Variants in DLGAP1 observed in about 807,000 individuals in gnomAD.
DLGAP1 encodes the protein DLG associated protein 1.
DLGAP1 carries 11 observed loss-of-function variants against 90.8 expected under a neutral mutation model. The observed-to-expected ratio is 0.12, with a 90% CI of 0.08 to 0.20. The LOEUF is 0.20. DLGAP1 is among the 10% of genes least tolerant of loss of function. DLGAP1 has a pLI of 1.00. For missense variants in DLGAP1, 1,050 were observed against 1,333.8 expected (o/e 0.79, Z 3.31); for synonymous variants, 558 against 540.7 (o/e 1.03, Z -0.44).
At position 3,572,069 on chromosome 18, in the gene DLGAP1, GTTT is replaced by G. The variant is rs67491547; in HGVS notation, c.1966-4491_1966-4489del. ...ATGGATTTTCAGTGGTTTCTTCTAG[GTTT>G]TTTTTTTTTTTTTTTTTTCTTTTGA... On this transcript the variant is annotated intron_variant, in intron 8 of 12. Transcript: ENST00000315677. Among the ~76,000 whole-genome samples the G allele has an allele frequency of 5.6e-3, 593 of 105,604 alleles. 3 individuals carry two copies. Among genetic ancestry groups the G allele is most frequent in the African/African-American group, 0.021 (568 of 27,540 alleles). The allele number at this position is 105,604 out of a possible 152,430, so 69.3% of individuals were successfully genotyped here. A position where few individuals can be genotyped will look rare whatever the true frequency, so the allele number is the denominator to read the frequency against.
At chr18:3,751,010 T>C (rs1299907965) in intron 5 of DLGAP1, among the ~76,000 whole-genome samples, 1 of 152,218 alleles carries the variant, frequency 6.6e-6, no homozygotes, top group Admixed American at 6.5e-5. Flanking sequence ...TTTCCCATTG[T>C]TGTAATTATT....
At chr18:4,115,006 ATG>A (rs1266657990) in intron 2 of DLGAP1, among the ~76,000 whole-genome samples, 1 of 151,890 alleles carries the variant, frequency 6.6e-6, no homozygotes, top group Admixed American at 6.6e-5. Flanking sequence ...TGTTTTCTGT[ATG>A]TCTCATGTTT....
chr18:4,400,830 G>A (rs915993081), intron 1 of DLGAP1, among the ~76,000 whole-genome samples: 2 of 152,040 alleles, frequency 1.3e-5, no homozygotes, highest in African/African-American at 4.8e-5. Flanking sequence ...CTGATGGCTG[G>A]GGTTCACCCT....
chr18:4,257,382 G>A (rs986783917), intron 1 of DLGAP1, among the ~76,000 whole-genome samples: 2 of 152,104 alleles, frequency 1.3e-5, no homozygotes, highest in Non-Finnish European at 2.9e-5. Flanking sequence ...TCTACAATTT[G>A]GAATTTATAA....
chr18:3,900,865 G>C (rs983277382), intron 3 of DLGAP1, among the ~76,000 whole-genome samples: 13 of 152,128 alleles, frequency 8.5e-5, no homozygotes, highest in African/African-American at 2.9e-4. Context: ...ATTTAGAAAT[G>C]GTTTAAAAGA....
chr18:4,181,460 A>C (rs1338156564), intron 1 of DLGAP1, among the ~76,000 whole-genome samples: 4 of 152,182 alleles, frequency 2.6e-5, no homozygotes, highest in Non-Finnish European at 4.4e-5. Context: ...CGGCAGTATA[A>C]AGGAGAAAAT....
intron 7 of DLGAP1, among the ~76,000 whole-genome samples, chr18:3,611,233 T>C (rs898154744): frequency 6.6e-6 from 1 of 152,142 alleles, no homozygotes; most frequent in Non-Finnish European, 1.5e-5. Flanking sequence ...TAAACTTCCC[T>C]ACAGCTCCCC....
At chr18:4,203,101 C>T (rs552098565) in intron 1 of DLGAP1, among the ~76,000 whole-genome samples, 1 of 151,972 alleles carries the variant, frequency 6.6e-6, no homozygotes, top group South Asian at 2.1e-4. Flanking sequence ...ATGATGAAAC[C>T]TGTCTCTACT....
intron 7 of DLGAP1, among the ~76,000 whole-genome samples, chr18:3,656,712 G>C (rs2059496032): frequency 1.3e-5 from 2 of 151,978 alleles, no homozygotes. Flanking sequence ...ACCCTTGACT[G>C]ATATTTATGC....
intron 3 of DLGAP1, chr18:3,983,546 C>G (rs912358181): frequency 1.3e-5 from 2 of 152,184 alleles, no homozygotes; most frequent in Non-Finnish European, 2.9e-5. Flanking sequence ...ACCACCGCTA[C>G]TTGAGACATC....
chr18:3,927,130 A>T (rs2072409716), intron 3 of DLGAP1, among the ~76,000 whole-genome samples: 1 of 152,230 alleles, frequency 6.6e-6, no homozygotes, highest in Non-Finnish European at 1.5e-5. Flanking sequence ...CAACAAATGA[A>T]TGTAGAATAG....
chr18:3,690,125 G>A (rs1009801255), intron 7 of DLGAP1, among the ~76,000 whole-genome samples: 4 of 116,150 alleles, frequency 3.4e-5, no homozygotes, highest in Non-Finnish European at 6.7e-5. Context: ...TTTTGACAGT[G>A]TTTCACTCTG....
chr18:4,290,684 G>A (rs530330603), intron 1 of DLGAP1, among the ~76,000 whole-genome samples: 1 of 152,266 alleles, frequency 6.6e-6, no homozygotes, highest in African/African-American at 2.4e-5. Flanking sequence ...ACAAGAAAAG[G>A]CCATATGCTT....
intron 1 of DLGAP1, among the ~76,000 whole-genome samples, chr18:4,369,886 A>C (rs1454894641): frequency 6.6e-6 from 1 of 150,896 alleles, no homozygotes; most frequent in Non-Finnish European, 1.5e-5. Flanking sequence ...AAAGCACATC[A>C]GGGCTATGGA....
chr18:4,410,021 T>C (rs376088589), intron 1 of DLGAP1, among the ~76,000 whole-genome samples: 3 of 152,138 alleles, frequency 2.0e-5, no homozygotes, highest in East Asian at 1.9e-4. Flanking sequence ...CTGGAAGAGA[T>C]CGGAGACTAT....
intron 3 of DLGAP1, among the ~76,000 whole-genome samples, chr18:3,998,266 C>T (rs1360530792): frequency 6.6e-6 from 1 of 152,096 alleles, no homozygotes; most frequent in African/African-American, 2.4e-5. Flanking sequence ...TTGATCTCTT[C>T]CTTTTATTTG....
At chr18:3,624,556 G>T (rs1043864045) in intron 7 of DLGAP1, among the ~76,000 whole-genome samples, 3 of 152,174 alleles carry the variant, frequency 2.0e-5, no homozygotes, top group African/African-American at 7.2e-5. Context: ...CTGAACTGTA[G>T]GAGTAGTTTT....
rs556758502 is a variant in DLGAP1, at chr18:4,157,150, C to A, written c.-266-5863G>T. Among the ~76,000 whole-genome samples the A allele has an allele frequency of 2.1e-4, 32 of 151,980 alleles. No homozygotes were observed. In the South Asian group the frequency reaches 6.7e-3, roughly 32 times the overall value. Reference sequence around the variant, plus strand: ...ACCAAGATCAGAGGTGGGACCGGGCCGTCAGCTCACTTAACTCTGGGTGCT... The same window carrying A: ...ACCAAGATCAGAGGTGGGACCGGGCAGTCAGCTCACTTAACTCTGGGTGCT... On this transcript the variant is annotated intron_variant, in intron 1 of 12. Coordinates refer to ENST00000315677, the MANE Select transcript of DLGAP1 (RefSeq NM_004746.4).
At chr18:3,829,729 T>C (rs556946076) in intron 4 of DLGAP1, among the ~76,000 whole-genome samples, 1 of 152,120 alleles carries the variant, frequency 6.6e-6, no homozygotes, top group Admixed American at 6.5e-5. Context: ...TTGAGGCCCA[T>C]CCACATTATG....
Sources: gnomAD v4.1 joint callset for allele counts (sites outside exome capture counted in the v4.1 genomes callset) on GRCh38, gnomAD v4.1.1 for gene constraint, MANE v1.5 for transcripts, NCBI Gene and HGNC (gene_info 2026-07-23, HGNC 2026-07-21) for gene names.